The following SKAP2 variants were observed in gnomAD, a reference collection of about 807,000 sequenced individuals.
SKAP2 encodes the protein src kinase-associated phosphoprotein 2.
In SKAP2, 28 loss-of-function variants were observed where a neutral mutation model predicts 54.9. That is an observed-to-expected ratio of 0.51 (90% confidence interval 0.38 to 0.70). SKAP2 has a LOEUF of 0.70. Ranked by LOEUF, SKAP2 falls within the 30% of genes least tolerant of loss-of-function variation. The pLI is 0.00. For synonymous variants in SKAP2, 137 were observed against 134.3 expected (o/e 1.02, Z -0.14); for missense variants, 356 against 424.1 (o/e 0.84, Z 1.41).
At chr7:26,751,318 G>C (rs7782621) in intron 4 of SKAP2, among the ~76,000 whole-genome samples, 5 of 151,912 alleles carry the variant, frequency 3.3e-5, no homozygotes, top group Non-Finnish European at 7.4e-5. Context: ...AAAACTATCA[G>C]ACATGAAATT....
chr7:26,754,485 T>C (rs866311257), intron 4 of SKAP2, among the ~76,000 whole-genome samples: 24 of 151,960 alleles, frequency 1.6e-4, no homozygotes, highest in African/African-American at 5.6e-4. Flanking sequence ...ATTAATATGT[T>C]CACTGTGTGG....
At chr7:26,807,864 G>T (rs1237856032) in intron 4 of SKAP2, among the ~76,000 whole-genome samples, 2 of 108,150 alleles carry the variant, frequency 1.8e-5, no homozygotes, top group Admixed American at 1.1e-4. Flanking sequence ...AGGGTAAGAT[G>T]ATTGTTAGCA....
chr7:26,810,022 G>C (rs1784109257), intron 4 of SKAP2, among the ~76,000 whole-genome samples: 1 of 152,160 alleles, frequency 6.6e-6, no homozygotes, highest in Non-Finnish European at 1.5e-5. Context: ...AATGCTGCAT[G>C]ATCTTAATTT....
chr7:26,668,663 T>TG lies in SKAP2; in HGVS notation c.*1002_*1003insC, dbSNP rs1786163547. ...ACTTTGAGAATACACTGAGATTCTG[T>TG]TTTTTTTTTTTTTTTTTTCTGAGAT... On this transcript the variant is annotated 3_prime_UTR_variant, in exon 13 of 13. Transcript: ENST00000345317. 2.9e-5 allele frequency: 1 copy of TG among 34,766 alleles called. No homozygotes were observed. Among genetic ancestry groups the TG allele is most frequent in the South Asian group, 1.0e-3 (1 of 968 alleles). The allele number at this position is 34,766 out of a possible 1,614,324, so 2.2% of individuals were successfully genotyped here.
At chr7:26,725,873 T>C in intron 8 of SKAP2, 50 bp downstream of exon 8, 4 of 1,436,000 alleles carry the variant, frequency 2.8e-6, no homozygotes, top group Non-Finnish European at 3.9e-6. Flanking sequence ...AACTACTCTG[T>C]TATTTAGTAT....
chr7:26,679,085 T>C (rs936460949), intron 11 of SKAP2, among the ~76,000 whole-genome samples: 5 of 152,196 alleles, frequency 3.3e-5, no homozygotes, highest in African/African-American at 4.8e-5. Flanking sequence ...GTAAATCACA[T>C]AGGCCTTACA....
At chr7:26,758,036 C>T (rs112114654) in intron 4 of SKAP2, among the ~76,000 whole-genome samples, 185 of 152,328 alleles carry the variant, frequency 1.2e-3, no homozygotes, top group Admixed American at 3.5e-3. Context: ...GCTGGGATTA[C>T]GGGCGTAAGC....
intron 9 of SKAP2, among the ~76,000 whole-genome samples, chr7:26,721,695 T>C (rs1787581057): frequency 6.6e-6 from 1 of 152,204 alleles, no homozygotes; most frequent in African/African-American, 2.4e-5. Flanking sequence ...TAATGGATGG[T>C]TACCATTCTC....
chr7:26,704,109 AT>A (rs1387014787), intron 9 of SKAP2, among the ~76,000 whole-genome samples: 1 of 152,264 alleles, frequency 6.6e-6, no homozygotes, highest in African/African-American at 2.4e-5. Flanking sequence ...TGATAAAATA[AT>A]TTGGCTAACT....
intron 4 of SKAP2, among the ~76,000 whole-genome samples, chr7:26,841,734 T>C (rs1784821019): frequency 6.6e-6 from 1 of 152,048 alleles, no homozygotes; most frequent in Admixed American, 6.6e-5. Flanking sequence ...ATGTGCAGGT[T>C]TGACCTTTTC....
Position 26,726,893 on chromosome 7 carries a change from G to C in SKAP2, c.583C>G (p.Arg195Gly). 1 of 1,607,488 alleles carries C rather than the reference G, an allele frequency of 6.2e-7. No individual in the cohort carries two copies. Among genetic ancestry groups the C allele is most frequent in the Non-Finnish European group, 8.5e-7 (1 of 1,176,928 alleles). ...CCFEISAPDK[R>G]IYQFTAASPK... Reference sequence around the variant, plus strand: ...ATAAAAACTACAACCTGATATATACGTTTATCAGGAGCAGAGATTTCAAAA... The same window carrying C: ...ATAAAAACTACAACCTGATATATACCTTTATCAGGAGCAGAGATTTCAAAA... Residue 195 changes from arginine to glycine, a missense_variant, in exon 7 of 13, where the codon CGT becomes GGT. Coordinates refer to ENST00000345317, the MANE Select transcript of SKAP2 (RefSeq NM_003930.5).
chr7:26,756,446 T>A (rs1782794326), intron 4 of SKAP2, among the ~76,000 whole-genome samples: 2 of 152,142 alleles, frequency 1.3e-5, no homozygotes, highest in Admixed American at 1.3e-4. Flanking sequence ...TTTGTCCTTG[T>A]GATAGTTTGC....
chr7:26,720,098 CA>C (rs1336288965), intron 9 of SKAP2, among the ~76,000 whole-genome samples: 1 of 149,808 alleles, frequency 6.7e-6, no homozygotes, highest in Non-Finnish European at 1.5e-5. Flanking sequence ...ACACACATCC[CA>C]GTTATGATAA....
chr7:26,850,440 C>A (rs952454786), intron 3 of SKAP2, among the ~76,000 whole-genome samples: 3 of 151,686 alleles, frequency 2.0e-5, no homozygotes, highest in African/African-American at 7.3e-5. Context: ...ACACAGGCAG[C>A]GTACCTATAG....
At chr7:26,660,490 A>G in the SKAP2 span, among the ~76,000 whole-genome samples, 1 of 152,102 alleles carries the variant, frequency 6.6e-6, no homozygotes, top group Non-Finnish European at 1.5e-5. Context: ...ATTAAGTAGT[A>G]TCAATACAGA....
At chr7:26,684,870 C>T (rs751320035) in intron 10 of SKAP2, 22 bp from the exon 11 acceptor site, 1 of 1,436,284 alleles carries the variant, frequency 7.0e-7, no homozygotes, top group Admixed American at 1.7e-5. Context: ...AAAGAGAAAG[C>T]ATGAATTAGG....
At chr7:26,819,259 A>G (rs1408528400) in intron 4 of SKAP2, among the ~76,000 whole-genome samples, 1 of 152,202 alleles carries the variant, frequency 6.6e-6, no homozygotes, top group Admixed American at 6.5e-5. Context: ...GGATGAGTTC[A>G]TGTCCTTTGC....
At chr7:26,789,237 G>T (rs868639018) in intron 4 of SKAP2, among the ~76,000 whole-genome samples, 10 of 151,996 alleles carry the variant, frequency 6.6e-5, no homozygotes, top group South Asian at 2.1e-4. Flanking sequence ...AGATTTTTAG[G>T]TTAAAAAAAT....
intron 4 of SKAP2, among the ~76,000 whole-genome samples, chr7:26,743,106 A>C (rs1293672974): frequency 1.3e-5 from 2 of 152,146 alleles, no homozygotes; most frequent in Admixed American, 1.3e-4. Flanking sequence ...CATACACCGC[A>C]ATTACGTTAT....
Sources: gnomAD v4.1 joint callset for allele counts (sites outside exome capture counted in the v4.1 genomes callset) on GRCh38, gnomAD v4.1.1 for gene constraint, MANE v1.5 for transcripts, NCBI Gene and HGNC (gene_info 2026-07-23, HGNC 2026-07-21) for gene names.